SLIT3: variants seen among roughly 807,000 people sequenced by gnomAD.
SLIT3 encodes the protein slit homolog 3 protein.
SLIT3 carries 68 observed loss-of-function variants against 184.0 expected under a neutral mutation model. The ratio of observed to expected loss-of-function variants is 0.37; its 90% CI spans 0.30 to 0.45. SLIT3 has a LOEUF of 0.45. Among genes scored for constraint, SLIT3 ranks in the 20% least tolerant of loss-of-function variants. The probability of loss-of-function intolerance (pLI) is 1.00; values close to 1 mark genes in which losing one functional copy is unlikely to be tolerated. For synonymous variants in SLIT3, 831 were observed against 828.6 expected, an observed-to-expected ratio of 1.00 and a Z score of -0.05; for missense variants, 1,707 against 2,026.0, an observed-to-expected ratio of 0.84 and a Z score of 3.02.
intron 5 of SLIT3, 35 bp from the exon 6 acceptor site, chr5:168,844,690 C>CGGGGGCAGCGTGA: frequency 6.2e-7 from 1 of 1,607,536 alleles, no homozygotes; most frequent in South Asian, 1.1e-5. Flanking sequence ...GAAGGCTGAG[C>CGGGGGCAGCGTGA]GGGGGCAGCG....
At chr5:169,167,977 C>A (rs1232928783) in intron 4 of SLIT3, among the ~76,000 whole-genome samples, 8 of 152,376 alleles carry the variant, frequency 5.3e-5, no homozygotes, top group African/African-American at 1.9e-4. Flanking sequence ...TCTCTTGGAA[C>A]TCTACCTGAG....
At chr5:168,692,741 T>G in intron 28 of SLIT3, 41 bp from the exon 29 acceptor site, 1 of 1,461,910 alleles carries the variant, frequency 6.8e-7, no homozygotes, top group Non-Finnish European at 9.6e-7. Context: ...TCAGGCAGGG[T>G]AGGGATGCCC....
chr5:169,234,678 G>A (rs1003806278), intron 3 of SLIT3, among the ~76,000 whole-genome samples: 1 of 152,120 alleles, frequency 6.6e-6, no homozygotes, highest in Admixed American at 6.5e-5. Flanking sequence ...AAAGTGCTGG[G>A]ATTACATGGG....
At chr5:168,932,037 T>C (rs763012826) in intron 4 of SLIT3, among the ~76,000 whole-genome samples, 1 of 152,122 alleles carries the variant, frequency 6.6e-6, no homozygotes, top group Non-Finnish European at 1.5e-5. Flanking sequence ...AAGTCCCAGA[T>C]GGGATGGTGG....
intron 4 of SLIT3, among the ~76,000 whole-genome samples, chr5:168,985,279 C>T (rs578047806): frequency 6.6e-6 from 1 of 152,304 alleles, no homozygotes; most frequent in African/African-American, 2.4e-5. Flanking sequence ...CTGAACTGAG[C>T]CACGAATATG....
chr5:168,744,337 T>C (rs1763732291), intron 20 of SLIT3, among the ~76,000 whole-genome samples: 1 of 152,024 alleles, frequency 6.6e-6, no homozygotes, highest in Admixed American at 6.6e-5. Flanking sequence ...AACAGGAAAG[T>C]GTAAAGTAAA....
intron 14 of SLIT3, among the ~76,000 whole-genome samples, chr5:168,764,415 G>T (rs1309892561): frequency 6.6e-6 from 1 of 152,184 alleles, no homozygotes; most frequent in East Asian, 1.9e-4. Context: ...GCTGCTGTCT[G>T]GTTCCATGTG....
intron 5 of SLIT3, among the ~76,000 whole-genome samples, chr5:168,848,309 C>G (rs1385864950): frequency 6.6e-6 from 1 of 152,194 alleles, no homozygotes; most frequent in Non-Finnish European, 1.5e-5. Flanking sequence ...TGTGACTGTA[C>G]AGGGCTAAGC....
chr5:169,206,442 C>G (rs1197894224), intron 3 of SLIT3, among the ~76,000 whole-genome samples: 2 of 152,196 alleles, frequency 1.3e-5, no homozygotes, highest in Admixed American at 1.3e-4. Context: ...AGGTAGGAAA[C>G]TGCCAGATGC....
intron 8 of SLIT3, among the ~76,000 whole-genome samples, chr5:168,809,073 TGGAAAAG>T (rs1757082116): frequency 6.6e-6 from 1 of 152,146 alleles, no homozygotes. Context: ...TGGGGTGTGT[TGGAAAAG>T]GGGAAAGAAA....
chr5:169,194,780 C>A (rs1357407865), intron 3 of SLIT3, among the ~76,000 whole-genome samples: 1 of 152,122 alleles, frequency 6.6e-6, no homozygotes, highest in Non-Finnish European at 1.5e-5. Context: ...GAGCCAGTTT[C>A]TCTTAAGCAT....
chr5:169,202,953 T>A (rs1763949729), intron 3 of SLIT3, among the ~76,000 whole-genome samples: 1 of 152,146 alleles, frequency 6.6e-6, no homozygotes, highest in Admixed American at 6.5e-5. Context: ...CCCTGGCTAC[T>A]CCCATATGCC....
At chr5:169,258,586 T>G (rs1766058117) in intron 1 of SLIT3, among the ~76,000 whole-genome samples, 1 of 152,216 alleles carries the variant, frequency 6.6e-6, no homozygotes, top group African/African-American at 2.4e-5. Context: ...TAATTTGGAT[T>G]GTTTTTCCCC....
intron 4 of SLIT3, among the ~76,000 whole-genome samples, chr5:169,001,469 C>G (rs891655962): frequency 6.6e-6 from 1 of 152,006 alleles, no homozygotes; most frequent in African/African-American, 2.4e-5. Context: ...GGCACATAGG[C>G]GGGTCACGTC....
chr5:168,666,048 A>AACATGAAAACATCTTCCT lies in SLIT3; in HGVS notation c.*388_*405dup, dbSNP rs1761027229. On this transcript the variant is annotated 3_prime_UTR_variant, in exon 36 of 36. Transcript: ENST00000519560. ...ACTGCCGACATAATACCGTTTCATAAACATGAAAACATCTTCCTCCTTCCT... is the reference window on the plus strand; with the variant it reads ...ACTGCCGACATAATACCGTTTCATAAACATGAAAACATCTTCCTACATGAAAACATCTTCCTCCTTCCT... 6.5e-6 allele frequency: 1 copy of AACATGAAAACATCTTCCT among 154,964 alleles called. No individual in the cohort carries two copies. Among genetic ancestry groups the AACATGAAAACATCTTCCT allele is most frequent in the Non-Finnish European group, 1.4e-5 (1 of 70,054 alleles). 9.6% of individuals were successfully genotyped at this position (154,964 alleles called of 1,614,324 possible). A position where few individuals can be genotyped will look rare whatever the true frequency, so the allele number is the denominator to read the frequency against.
At position 169,106,194 on chromosome 5, in the gene SLIT3, C is replaced by T. The variant is rs188691589; in HGVS notation, c.413+87285G>A. ...AACCTGCACATCCTGCACCTGAACCCGGGAACTTCAAAGTTGAAGAAAAAC... is the reference window on the plus strand; with the variant it reads ...AACCTGCACATCCTGCACCTGAACCTGGGAACTTCAAAGTTGAAGAAAAAC... On this transcript the variant is annotated intron_variant, in intron 4 of 35. Coordinates refer to ENST00000519560, the MANE Select transcript of SLIT3 (RefSeq NM_003062.4). Among the ~76,000 whole-genome samples the T allele has an allele frequency of 4.6e-4, 70 of 152,216 alleles. 1 individual carries two copies. Among genetic ancestry groups the T allele is most frequent in the Admixed American group, 4.2e-3 (64 of 15,290 alleles).
At chr5:169,244,607 C>T in intron 3 of SLIT3, 98 bp downstream of exon 3, 1 of 1,025,914 alleles carries the variant, frequency 9.7e-7, no homozygotes. Context: ...CCTTTTTTAA[C>T]AAGGTTATAA....
chr5:169,060,224 T>C (rs1301090520), intron 4 of SLIT3, among the ~76,000 whole-genome samples: 1 of 152,192 alleles, frequency 6.6e-6, no homozygotes, highest in Non-Finnish European at 1.5e-5. Context: ...ACCCTGTCTC[T>C]ACTAAAAATA....
intron 4 of SLIT3, among the ~76,000 whole-genome samples, chr5:168,895,132 C>T (rs1053163988): frequency 1.3e-5 from 2 of 152,224 alleles, no homozygotes; most frequent in Non-Finnish European, 2.9e-5. Context: ...GTTGAAGCCA[C>T]TTCCTAGTGT....
Sources: allele counts gnomAD v4.1 joint callset (sites outside exome capture counted in the v4.1 genomes callset), GRCh38; gene constraint gnomAD v4.1.1; transcripts MANE v1.5; gene names NCBI Gene and HGNC (gene_info 2026-07-23, HGNC 2026-07-21).